Variants in TP63 observed in about 807,000 individuals in gnomAD.
The protein encoded by TP63 is tumor protein p63.
A neutral mutation model predicts 82.8 loss-of-function variants in TP63; 17 were observed. The ratio of observed to expected loss-of-function variants is 0.21; its 90% CI spans 0.14 to 0.31. The LOEUF (loss-of-function observed/expected upper bound fraction) is 0.31. Ranked by LOEUF, TP63 falls within the 10% of genes least tolerant of loss-of-function variation. The pLI is 1.00. For missense variants in TP63, 648 were observed against 895.3 expected (o/e 0.72, Z 3.52); for synonymous variants, 330 against 321.7 (o/e 1.03, Z -0.28).
intron 1 of TP63, among the ~76,000 whole-genome samples, chr3:189,706,393 T>A (rs1718200164): frequency 6.6e-6 from 1 of 151,980 alleles, no homozygotes; most frequent in African/African-American, 2.4e-5. Context: ...AGTAGTGGGA[T>A]TACAGGCACC....
At chr3:189,819,766 T>TC (rs1728598414) in intron 4 of TP63, among the ~76,000 whole-genome samples, 2 of 121,024 alleles carry the variant, frequency 1.7e-5, no homozygotes, top group Non-Finnish European at 3.6e-5. Context: ...TTTTTTTTTT[T>TC]TTTGAGACAG....
At chr3:189,814,713 T>C (rs910863862) in intron 4 of TP63, among the ~76,000 whole-genome samples, 9 of 152,230 alleles carry the variant, frequency 5.9e-5, no homozygotes, top group African/African-American at 2.2e-4. Context: ...GAATATTCAT[T>C]GTAAGGCATG....
At chr3:189,634,244 T>A (rs532327222) in intron 1 of TP63, among the ~76,000 whole-genome samples, 34 of 152,164 alleles carry the variant, frequency 2.2e-4, no homozygotes, top group African/African-American at 8.2e-4. Flanking sequence ...TTACTGACCT[T>A]GTGTTTAGAA....
intron 1 of TP63, among the ~76,000 whole-genome samples, chr3:189,642,656 ACACAGTAAGTAC>A (rs1285435357): frequency 1.3e-5 from 2 of 152,172 alleles, no homozygotes; most frequent in Non-Finnish European, 2.9e-5. Flanking sequence ...AGAGTCTGGC[ACACAGTAAGTAC>A]TACAGGATGA....
intron 1 of TP63, among the ~76,000 whole-genome samples, chr3:189,721,430 T>C (rs1044758641): frequency 6.6e-6 from 1 of 151,834 alleles, no homozygotes; most frequent in Admixed American, 6.6e-5. Context: ...GTTACCTGGC[T>C]AGTTAGGGCA....
At chr3:189,634,174 TAAGA>T (rs1020604883) in intron 1 of TP63, among the ~76,000 whole-genome samples, 9 of 151,978 alleles carry the variant, frequency 5.9e-5, no homozygotes, top group African/African-American at 1.9e-4. Flanking sequence ...AAAGCTATTT[TAAGA>T]AAGACCAAAT....
At chr3:189,771,302 A>ATATATAATATATTATATATT (rs1723327275) in intron 3 of TP63, among the ~76,000 whole-genome samples, 2 of 123,390 alleles carry the variant, frequency 1.6e-5, no homozygotes, top group African/African-American at 7.5e-5. Flanking sequence ...TATTATATTT[A>ATATATAATATATTATATATT]TATATATAAT....
chr3:189,881,424 T>A (rs767947591), intron 10 of TP63: 6 of 985,276 alleles, frequency 6.1e-6, no homozygotes, highest in Non-Finnish European at 7.2e-6. Flanking sequence ...AGACAATGAT[T>A]TCTTGTTATT....
intron 3 of TP63, among the ~76,000 whole-genome samples, chr3:189,754,954 G>A (rs186935951): frequency 1.3e-5 from 2 of 148,726 alleles, no homozygotes; most frequent in African/African-American, 4.9e-5. Flanking sequence ...TTGATTAAAG[G>A]CTGCTGCTTT....
chr3:189,880,410 C>A (rs1248907229), intron 10 of TP63: 2 of 1,125,936 alleles, frequency 1.8e-6, no homozygotes, highest in African/African-American at 1.6e-5. Context: ...ATCCTTAGAC[C>A]GGCCATTGGT....
chr3:189,821,224 A>AT (rs1212024186), intron 4 of TP63, among the ~76,000 whole-genome samples: 1 of 152,180 alleles, frequency 6.6e-6, no homozygotes, highest in African/African-American at 2.4e-5. Context: ...ATATAGAAGC[A>AT]TTTTTTACTT....
rs537476280 is a variant in TP63 at position 189,684,895 on chromosome 3, G to C, written c.63-52845G>C. On this transcript the variant is annotated intron_variant, in intron 1 of 13. Coordinates refer to ENST00000264731, the MANE Select transcript of TP63 (RefSeq NM_003722.5). Reference sequence around the variant, plus strand: ...GATCCACCCGCCTTAGCCTCCCAGAGTGTTGGGATTACAGGTGTGAACTAC... The same window carrying C: ...GATCCACCCGCCTTAGCCTCCCAGACTGTTGGGATTACAGGTGTGAACTAC... Among the ~76,000 whole-genome samples the C allele has an allele frequency of 3.9e-5, 6 of 152,200 alleles. No homozygotes were observed. In the East Asian group the frequency reaches 1.2e-3, roughly 29 times the overall value.
Position 189,737,808 on chromosome 3 carries a change from C to T in TP63, c.131C>T (p.Thr44Ile), listed in dbSNP as rs746479227. 4 of 1,614,024 alleles carry T rather than the reference C, an allele frequency of 2.5e-6. No homozygotes were observed. In the South Asian group the frequency reaches 4.4e-5, roughly 18 times the overall value. ...SYYRSTMSQS[T>I]QTNEFLSPEV... ...TACCGATCCACCATGTCCCAGAGCA[C>T]ACAGACAAATGAATTCCTCAGTCCA... Residue 44 changes from threonine to isoleucine, a missense_variant, in exon 2 of 14, where the codon ACA becomes ATA. Around this residue, in one of 5 missense-constraint regions of TP63, gnomAD observed 182 missense variants for 213.6 expected, o/e 0.85. Transcript: ENST00000264731.
chr3:189,694,836 C>A, intron 1 of TP63, among the ~76,000 whole-genome samples: 1 of 72,744 alleles, frequency 1.4e-5, no homozygotes, highest in East Asian at 4.1e-4. Context: ...GACAGAGTCT[C>A]GCTCTGTCTC....
chr3:189,795,229 A>G (rs1054302570), intron 3 of TP63, among the ~76,000 whole-genome samples: 4 of 152,094 alleles, frequency 2.6e-5, no homozygotes, highest in African/African-American at 9.7e-5. Context: ...AATCATTTTG[A>G]TTATTTCCCC....
At chr3:189,808,738 A>G (rs530626710) in intron 4 of TP63, among the ~76,000 whole-genome samples, 5 of 152,356 alleles carry the variant, frequency 3.3e-5, no homozygotes, top group African/African-American at 4.8e-5. Context: ...CGTTCTAGCC[A>G]GCTCCTGGCA....
Position 189,740,770 on chromosome 3 carries a change from G to A in TP63, c.324+1996G>A, listed in dbSNP as rs181514460. On this transcript the variant is annotated intron_variant, in intron 3 of 13. Coordinates refer to ENST00000264731, the MANE Select transcript of TP63 (RefSeq NM_003722.5). ...TCGCCTTTGCCTCTGAAAGTGCTGG[G>A]ATTACAGGCATGAGCCACCACACCT... Among the ~76,000 whole-genome samples the A allele has an allele frequency of 3.8e-3, 578 of 152,316 alleles. 4 individuals carry two copies. Among genetic ancestry groups the A allele is most frequent in the South Asian group, 0.02 (98 of 4,828 alleles).
chr3:189,761,760 T>A (rs915251685), intron 3 of TP63, among the ~76,000 whole-genome samples: 1 of 152,188 alleles, frequency 6.6e-6, no homozygotes. Context: ...TATCCGAGAC[T>A]GGGCAATTTA....
intron 4 of TP63, among the ~76,000 whole-genome samples, chr3:189,855,958 A>G (rs1716240787): frequency 6.6e-6 from 1 of 151,974 alleles, no homozygotes; most frequent in African/African-American, 2.4e-5. Context: ...GGTACTTTAT[A>G]CCTTCACATA....
Sources: allele counts gnomAD v4.1 joint callset (sites outside exome capture counted in the v4.1 genomes callset), GRCh38; gene constraint gnomAD v4.1.1; regional missense constraint gnomAD v4.1.1; transcripts MANE v1.5; gene names NCBI Gene and HGNC (gene_info 2026-07-23, HGNC 2026-07-21).